The following IGF2BP3 variants were observed in gnomAD, a reference collection of about 807,000 sequenced individuals.
The protein encoded by IGF2BP3 is insulin like growth factor 2 mRNA binding protein 3, also known as insulin-like growth factor 2 mRNA-binding protein 3.
Under a neutral mutation model 73.8 loss-of-function variants are expected in IGF2BP3, and 9 were observed. The ratio of observed to expected loss-of-function variants is 0.12; its 90% CI spans 0.07 to 0.21. The LOEUF is 0.21. Ranked by LOEUF, IGF2BP3 falls within the 10% of genes least tolerant of loss-of-function variation. The pLI is 1.00. For synonymous variants in IGF2BP3, 258 were observed against 256.7 expected, an observed-to-expected ratio of 1.01 and a Z score of -0.05; for missense variants, 542 against 714.0, an observed-to-expected ratio of 0.76 and a Z score of 2.75.
At position 23,425,842 on chromosome 7, in the gene IGF2BP3, T is replaced by C. The variant is rs1025426089; in HGVS notation, c.237-7018A>G. On this transcript the variant is annotated intron_variant, in intron 2 of 14. Coordinates refer to ENST00000258729, the MANE Select transcript of IGF2BP3 (RefSeq NM_006547.3). ...AGCCTGGCATAGTGGTGCATGCTTG[T>C]AGTCCCAGCTACTCGGGAGGCTGAG... Among the ~76,000 whole-genome samples, 5 of 152,160 alleles carry C rather than the reference T, an allele frequency of 3.3e-5. No individual in the cohort carries two copies. In the South Asian group the frequency reaches 6.2e-4, roughly 19 times the overall value.
chr7:23,423,783 CA>C (rs1207490356), intron 2 of IGF2BP3, among the ~76,000 whole-genome samples: 1 of 150,744 alleles, frequency 6.6e-6, no homozygotes, highest in Non-Finnish European at 1.5e-5. Context: ...AAAAAAAAAA[CA>C]AAAACCCCAA....
intron 2 of IGF2BP3, among the ~76,000 whole-genome samples, chr7:23,429,711 G>A (rs1319924684): frequency 6.6e-6 from 1 of 152,076 alleles, no homozygotes; most frequent in Non-Finnish European, 1.5e-5. Flanking sequence ...CAAGAAAGAA[G>A]GAAGAGAGGA....
intron 9 of IGF2BP3, among the ~76,000 whole-genome samples, chr7:23,342,635 G>C (rs1031273835): frequency 6.6e-6 from 1 of 152,184 alleles, no homozygotes; most frequent in Admixed American, 6.5e-5. Flanking sequence ...CATGGGTCTA[G>C]AGGCCTCAAA....
chr7:23,321,731 C>T (rs920457720), intron 10 of IGF2BP3, among the ~76,000 whole-genome samples: 61 of 152,294 alleles, frequency 4.0e-4, no homozygotes, highest in Admixed American at 2.4e-3. Flanking sequence ...GCTCTGAGAA[C>T]GGGCAGACTG....
chr7:23,367,763 G>A (rs1785422048), intron 3 of IGF2BP3, among the ~76,000 whole-genome samples: 1 of 152,166 alleles, frequency 6.6e-6, no homozygotes, highest in South Asian at 2.1e-4. Flanking sequence ...CACTTTGGGT[G>A]GCCGAGGTGG....
At position 23,310,481 on chromosome 7, in the gene IGF2BP3, A is replaced by G. The variant is rs982264623; in HGVS notation, c.*1881T>C. 4.6e-5 allele frequency: 7 copies of G among 152,234 alleles called. No individual in the cohort carries two copies. The highest frequency in any genetic ancestry group is 1.7e-4 in the African/African-American group (7 of 41,472). The allele number at this position is 152,234 out of a possible 1,614,324, so 9.4% of individuals were successfully genotyped here. ...GCACCTATGTGTATATTTTTAAAAAATCAAATATTGGGGAAAAAAATCAAA... is the reference window on the plus strand; with the variant it reads ...GCACCTATGTGTATATTTTTAAAAAGTCAAATATTGGGGAAAAAAATCAAA... On this transcript the variant is annotated 3_prime_UTR_variant, in exon 15 of 15. Coordinates refer to ENST00000258729, the MANE Select transcript of IGF2BP3 (RefSeq NM_006547.3).
intron 3 of IGF2BP3, among the ~76,000 whole-genome samples, chr7:23,403,458 A>C (rs940640798): frequency 6.6e-6 from 1 of 152,210 alleles, no homozygotes; most frequent in Admixed American, 6.5e-5. Context: ...ATAAGTGGCT[A>C]TATTTTCTGT....
rs568730154 is a variant in IGF2BP3, at chr7:23,424,271, G to A, written c.237-5447C>T. 1.3e-3 allele frequency among the ~76,000 whole-genome samples: 198 copies of A among 151,366 alleles called. 1 individual carries two copies. The highest frequency in any genetic ancestry group is 0.011 in the Middle Eastern group (3 of 280). Reference sequence around the variant, plus strand: ...CCCAGCACTTTGGGAGGCTGAGGTCGGGGGAATCATTAGGTCAGGAGTTCA... The same window carrying A: ...CCCAGCACTTTGGGAGGCTGAGGTCAGGGGAATCATTAGGTCAGGAGTTCA... On this transcript the variant is annotated intron_variant, in intron 2 of 14. Coordinates refer to ENST00000258729, the MANE Select transcript of IGF2BP3 (RefSeq NM_006547.3).
intron 2 of IGF2BP3, among the ~76,000 whole-genome samples, chr7:23,455,818 T>A (rs963330646): frequency 6.6e-6 from 1 of 152,110 alleles, no homozygotes; most frequent in Non-Finnish European, 1.5e-5. Context: ...CCTGAGTAAC[T>A]GGGACTACAG....
intron 2 of IGF2BP3, among the ~76,000 whole-genome samples, chr7:23,437,409 G>A (rs1787831133): frequency 1.3e-5 from 2 of 152,088 alleles, no homozygotes; most frequent in South Asian, 2.1e-4. Flanking sequence ...CTTAAACCCA[G>A]GAGGCGGAGG....
intron 10 of IGF2BP3, among the ~76,000 whole-genome samples, chr7:23,336,643 T>C (rs1029766062): frequency 5.3e-5 from 8 of 152,200 alleles, no homozygotes; most frequent in East Asian, 3.9e-4. Flanking sequence ...TCTTTTTGGC[T>C]TCATTTTTCT....
At chr7:23,409,326 C>T (rs1263938859) in intron 3 of IGF2BP3, among the ~76,000 whole-genome samples, 1 of 152,110 alleles carries the variant, frequency 6.6e-6, no homozygotes, top group Non-Finnish European at 1.5e-5. Flanking sequence ...ATAATTATTC[C>T]AAAAGGGTTT....
intron 2 of IGF2BP3, among the ~76,000 whole-genome samples, chr7:23,419,261 C>CA (rs769240469): frequency 1.5e-4 from 23 of 152,208 alleles, no homozygotes; most frequent in Non-Finnish European, 2.5e-4. Context: ...GGAAATTACA[C>CA]ATTTATCTTC....
At chr7:23,460,374 A>G (rs1253726618) in intron 2 of IGF2BP3, among the ~76,000 whole-genome samples, 1 of 150,296 alleles carries the variant, frequency 6.7e-6, no homozygotes, top group Non-Finnish European at 1.5e-5. Context: ...CTAAATATAC[A>G]AAAAAAAATC....
chr7:23,328,646 A>G (rs1306365650), intron 10 of IGF2BP3, among the ~76,000 whole-genome samples: 1 of 152,248 alleles, frequency 6.6e-6, no homozygotes, highest in Non-Finnish European at 1.5e-5. Flanking sequence ...TTAAAGTACA[A>G]CAATGTGCTA....
chr7:23,404,533 C>A (rs972292501), intron 3 of IGF2BP3, among the ~76,000 whole-genome samples: 1 of 152,084 alleles, frequency 6.6e-6, no homozygotes, highest in African/African-American at 2.4e-5. Context: ...TCAATTCAAC[C>A]AACACTTAAC....
intron 2 of IGF2BP3, among the ~76,000 whole-genome samples, chr7:23,440,419 G>C (rs1390511843): frequency 6.6e-6 from 1 of 152,178 alleles, no homozygotes; most frequent in African/African-American, 2.4e-5. Context: ...CTGGGCAACA[G>C]AGAGAGACTC....
At position 23,324,135 on chromosome 7, in the gene IGF2BP3, G is replaced by GGATTC. The variant is rs920597136; in HGVS notation, c.1204-4882_1204-4881insGAATC. Among the ~76,000 whole-genome samples, 164 of 152,158 alleles carry GGATTC rather than the reference G, an allele frequency of 1.1e-3. 1 individual carries two copies. Among genetic ancestry groups the GGATTC allele is most frequent in the African/African-American group, 3.7e-3 (155 of 41,478 alleles). On this transcript the variant is annotated intron_variant, in intron 10 of 14. Coordinates refer to ENST00000258729, the MANE Select transcript of IGF2BP3 (RefSeq NM_006547.3). The stretch of plus-strand genomic sequence containing the variant: ...GAAAAAATTAACGAATCCAGGAGCT[G>GGATTC]GTTTTTTGAAAGGATCAACAAAATT...
chr7:23,409,981 C>T (rs191567019), intron 3 of IGF2BP3, among the ~76,000 whole-genome samples: 42 of 152,124 alleles, frequency 2.8e-4, no homozygotes, highest in African/African-American at 8.2e-4. Flanking sequence ...CTAGCCTGGC[C>T]AACATGGTGA....
Sources: gnomAD v4.1 joint callset for allele counts (sites outside exome capture counted in the v4.1 genomes callset) on GRCh38, gnomAD v4.1.1 for gene constraint, MANE v1.5 for transcripts, NCBI Gene and HGNC (gene_info 2026-07-23, HGNC 2026-07-21) for gene names.